Variants in GUCY1B1 observed in about 807,000 individuals in gnomAD.
GUCY1B1 encodes the protein guanylate cyclase 1 soluble subunit beta 1.
A neutral mutation model predicts 71.0 loss-of-function variants in GUCY1B1; 43 were observed. That is an observed-to-expected ratio of 0.61 (90% CI 0.47 to 0.78). The LOEUF (loss-of-function observed/expected upper bound fraction) is 0.78, where lower values mean the gene tolerates loss of function less well. Ranked by LOEUF, GUCY1B1 falls within the 30% of genes least tolerant of loss-of-function variation. GUCY1B1 has a pLI of 0.00. For missense variants in GUCY1B1, 535 were observed against 754.1 expected, an observed-to-expected ratio of 0.71 and a Z score of 3.40; for synonymous variants, 266 against 259.7, an observed-to-expected ratio of 1.02 and a Z score of -0.23.
At chr4:155,772,153 A>C (rs1163960129) in intron 2 of GUCY1B1, among the ~76,000 whole-genome samples, 1 of 152,186 alleles carries the variant, frequency 6.6e-6, no homozygotes, top group Non-Finnish European at 1.5e-5. Flanking sequence ...TTTGGTATTA[A>C]AAAGACTTGA....
intron 3 of GUCY1B1, 120 bp downstream of exon 3, chr4:155,775,188 T>C (rs1579206342): frequency 2.9e-6 from 2 of 689,100 alleles, no homozygotes; most frequent in East Asian, 5.0e-5. Context: ...ACAACCTGCA[T>C]AGTTGTGTGG....
intron 1 of GUCY1B1, 90 bp from the exon 2 acceptor site, chr4:155,759,697 G>A: frequency 2.3e-6 from 2 of 880,834 alleles, no homozygotes; most frequent in South Asian, 1.5e-5. Flanking sequence ...TTAAGCCAGC[G>A]CCATGGGAGC....
At chr4:155,773,240 T>C (rs1455822602) in intron 2 of GUCY1B1, among the ~76,000 whole-genome samples, 1 of 152,210 alleles carries the variant, frequency 6.6e-6, no homozygotes, top group Non-Finnish European at 1.5e-5. Context: ...TTTTCTACAG[T>C]TGGCCATGTG....
chr4:155,802,335 T>TGAACAG lies in GUCY1B1; in HGVS notation c.1176-6_1176-1dup, dbSNP rs1486630602. ...TACAGTGGCTTTCTGCTGATCCCACTGAACAGATTGCTGTATTCTGTCCTT... is the reference window on the plus strand; with the variant it reads ...TACAGTGGCTTTCTGCTGATCCCACTGAACAGGAACAGATTGCTGTATTCTGTCCTT... On this transcript the variant is annotated splice_polypyrimidine_tract_variant and splice_region_variant and intron_variant, in intron 9 of 13. Coordinates refer to ENST00000264424, the MANE Select transcript of GUCY1B1 (RefSeq NM_000857.5). This position sits in a 1 kb window ranked among gnomAD's most constrained non-coding sequence, Gnocchi z 4.3. 3 of 1,613,808 alleles carry TGAACAG rather than the reference T, an allele frequency of 1.9e-6. No individual in the cohort carries two copies.
At chr4:155,801,166 G>A (rs1739927035) in intron 9 of GUCY1B1, among the ~76,000 whole-genome samples, 1 of 152,172 alleles carries the variant, frequency 6.6e-6, no homozygotes, top group African/African-American at 2.4e-5. Context: ...GGGAGTTGCT[G>A]GGAGTTAAAC....
chr4:155,802,175 T>C lies in GUCY1B1; in HGVS notation c.1176-167T>C. The C allele has an allele frequency of 7.0e-7, 1 of 1,436,028 alleles. No individual in the cohort carries two copies. Among genetic ancestry groups the C allele is most frequent in the Non-Finnish European group, 9.2e-7 (1 of 1,089,372 alleles). The allele number at this position is 1,436,028 out of a possible 1,614,324, so 89.0% of individuals were successfully genotyped here. A position where few individuals can be genotyped will look rare whatever the true frequency, so the allele number is the denominator to read the frequency against. On this transcript the variant is annotated intron_variant, in intron 9 of 13. Coordinates refer to ENST00000264424, the MANE Select transcript of GUCY1B1 (RefSeq NM_000857.5). The surrounding 1 kb of genome is among the most constrained non-coding windows in gnomAD (Gnocchi z 4.3). The stretch of plus-strand genomic sequence containing the variant: ...ATAATTTATGTTTTCTGTAAATCCT[T>C]GCTTATAAATACAGCTAATATTTGA...
chr4:155,785,742 G>A (rs1186778764), intron 4 of GUCY1B1, among the ~76,000 whole-genome samples: 1 of 152,102 alleles, frequency 6.6e-6, no homozygotes, highest in East Asian at 1.9e-4. Context: ...AAAGAGTAAA[G>A]CCAAGTAAGG....
intron 9 of GUCY1B1, among the ~76,000 whole-genome samples, chr4:155,801,846 A>C (rs796356599): frequency 2.0e-5 from 3 of 152,224 alleles, no homozygotes; most frequent in African/African-American, 7.2e-5. Flanking sequence ...GGAGTGAGGC[A>C]TGAATGAGAC....
chr4:155,803,688 C>T lies in GUCY1B1; in HGVS notation c.1478C>T (p.Ala493Val), dbSNP rs774791976. 1.9e-6 allele frequency: 3 copies of T among 1,604,034 alleles called. No homozygotes were observed. The South Asian group carries it at 3.4e-5, about 18-fold the overall frequency. The change falls in exon 11 of 14, where the codon GCA (alanine) becomes GTA (valine). Residue 493 changes from alanine (A) to valine (V), a missense_variant. Coordinates refer to ENST00000264424, the MANE Select transcript of GUCY1B1 (RefSeq NM_000857.5). ...TTACCAGAGCCATGCATTCACCATG[C>T]ACGATCCATCTGCCACCTGGCCTTG... ...SGLPEPCIHH[A>V]RSICHLALDM...
At position 155,802,690 on chromosome 4, in the gene GUCY1B1, G is replaced by A. The variant is rs1168921843; in HGVS notation, c.1413+111G>A. ...TCTGACTCCAGCACTGCAGCCTTGA[G>A]TACAGTGAGCCTCCATGTATTCACT... On this transcript the variant is annotated intron_variant, in intron 10 of 13. Coordinates refer to ENST00000264424, the MANE Select transcript of GUCY1B1 (RefSeq NM_000857.5). This position sits in a 1 kb window ranked among gnomAD's most constrained non-coding sequence, Gnocchi z 4.3. 15 of 853,460 alleles carry A rather than the reference G, an allele frequency of 1.8e-5. No homozygotes were observed. Among genetic ancestry groups the A allele is most frequent in the Admixed American group, 1.2e-4 (4 of 33,784 alleles). The allele number at this position is 853,460 out of a possible 1,614,324, so 52.9% of individuals were successfully genotyped here.
rs143925281 is a variant in GUCY1B1 at position 155,807,085 on chromosome 4, T to C, written c.*676T>C. ...ACTAATTCAAATCATATGGCAATTA[T>C]AATTCTTCTAAAATGCTATCATTTG... On this transcript the variant is annotated 3_prime_UTR_variant, in exon 14 of 14. Transcript: ENST00000264424. The C allele has an allele frequency of 6.6e-6, 1 of 152,212 alleles. No homozygotes were observed. The highest frequency in any genetic ancestry group is 1.5e-5 in the Non-Finnish European group (1 of 68,026). 9.4% of individuals were successfully genotyped at this position (152,212 alleles called of 1,614,324 possible).
At chr4:155,786,212 C>T (rs530038988) in intron 4 of GUCY1B1, among the ~76,000 whole-genome samples, 1 of 150,810 alleles carries the variant, frequency 6.6e-6, no homozygotes, top group Non-Finnish European at 1.5e-5. Context: ...AATATGTAAG[C>T]ATTCTGTATA....
In GUCY1B1 at chr4:155,803,763, A is replaced by G; in HGVS notation, c.1553A>G (p.Gln518Arg). 6.4e-7 allele frequency: 1 copy of G among 1,562,884 alleles called. No homozygotes were observed. Among genetic ancestry groups the G allele is most frequent in the Non-Finnish European group, 8.7e-7 (1 of 1,156,008 alleles). The change falls in exon 11 of 14, where the codon CAG becomes CGG. Residue 518 changes from glutamine to arginine, a missense_variant and splice_region_variant. Coordinates refer to ENST00000264424, the MANE Select transcript of GUCY1B1 (RefSeq NM_000857.5). Reference protein sequence around the residue: ...GQVQVDGESVQITIGIHTGEV... With the variant: ...GQVQVDGESVRITIGIHTGEV... ...GTTCAAGTAGATGGTGAATCTGTTCAGGTTAGTAAATGAAGTAGATATTGT... is the reference window on the plus strand; with the variant it reads ...GTTCAAGTAGATGGTGAATCTGTTCGGGTTAGTAAATGAAGTAGATATTGT...
Position 155,806,379 on chromosome 4 carries a change from AT to A in GUCY1B1, c.1837-4del. On this transcript the variant is annotated splice_polypyrimidine_tract_variant and splice_region_variant and intron_variant, in intron 13 of 13. Coordinates refer to ENST00000264424, the MANE Select transcript of GUCY1B1 (RefSeq NM_000857.5). Reference sequence around the variant, plus strand: ...AATCAATCCCTCTTTTCTTCTGCCTATTTAAGGAAACAAAGCAGGATGATGA... The same window carrying A: ...AATCAATCCCTCTTTTCTTCTGCCTATTAAGGAAACAAAGCAGGATGATGA... 1 of 1,589,688 alleles carries A rather than the reference AT, an allele frequency of 6.3e-7. No individual in the cohort carries two copies. Among genetic ancestry groups the A allele is most frequent in the Non-Finnish European group, 8.6e-7 (1 of 1,158,402 alleles).
chr4:155,772,312 C>G (rs1287026736), intron 2 of GUCY1B1, among the ~76,000 whole-genome samples: 1 of 152,188 alleles, frequency 6.6e-6, no homozygotes, highest in Non-Finnish European at 1.5e-5. Flanking sequence ...AGTACTTTAA[C>G]TGCTTAGAAT....
intron 7 of GUCY1B1, 52 bp downstream of exon 7, chr4:155,795,509 A>G: frequency 1.1e-6 from 1 of 881,730 alleles, no homozygotes; most frequent in South Asian, 1.4e-5. Context: ...CACAAATTAG[A>G]AGTATTCAGG....
rs763611725 is a variant in GUCY1B1, at chr4:155,803,684, C to A, written c.1474C>A (p.His492Asn). Reference sequence around the variant, plus strand: ...TGGTTTACCAGAGCCATGCATTCACCATGCACGATCCATCTGCCACCTGGC... The same window carrying A: ...TGGTTTACCAGAGCCATGCATTCACAATGCACGATCCATCTGCCACCTGGC... ...VSGLPEPCIHHARSICHLALD... is the reference protein window; with the variant it reads ...VSGLPEPCIHNARSICHLALD... The change falls in exon 11 of 14, where the codon CAT becomes AAT. Residue 492 changes from histidine to asparagine, a missense_variant. His to Asn is a moderately conservative substitution (Grantham distance 68). Transcript: ENST00000264424. 1 of 1,602,156 alleles carries A rather than the reference C, an allele frequency of 6.2e-7. No individual in the cohort carries two copies. The highest frequency in any genetic ancestry group is 8.5e-7 in the Non-Finnish European group (1 of 1,172,754).
Position 155,789,745 on chromosome 4 carries a change from C to A in GUCY1B1, c.329C>A (p.Thr110Asn). 6.2e-7 allele frequency: 1 copy of A among 1,608,632 alleles called. No homozygotes were observed. The highest frequency in any genetic ancestry group is 8.5e-7 in the Non-Finnish European group (1 of 1,176,286). Residue 110 changes from threonine to asparagine, a missense_variant, in exon 5 of 14, where the codon ACC becomes AAC. Transcript: ENST00000264424. Reference sequence around the variant, plus strand: ...GATGCTCTGCACGACCACCTTGCTACCATCTACCCAGGAATGCGTGCACCT... The same window carrying A: ...GATGCTCTGCACGACCACCTTGCTAACATCTACCCAGGAATGCGTGCACCT... ...NLDALHDHLA[T>N]IYPGMRAPSF...
intron 3 of GUCY1B1, among the ~76,000 whole-genome samples, chr4:155,776,282 T>G (rs541604821): frequency 3.4e-4 from 52 of 152,320 alleles, no homozygotes; most frequent in South Asian, 1.7e-3. Flanking sequence ...CCATTAAGAT[T>G]TATGTATGTG....
Sources: gnomAD v4.1 joint callset for allele counts (sites outside exome capture counted in the v4.1 genomes callset) on GRCh38, gnomAD v4.1.1 for gene constraint, Gnocchi (gnomAD v3.1) non-coding constraint, MANE v1.5 for transcripts, NCBI Gene and HGNC (gene_info 2026-07-23, HGNC 2026-07-21) for gene names.